Variants in CTNNA3 observed in about 807,000 individuals in gnomAD.
CTNNA3 encodes the protein catenin alpha-3.
CTNNA3 carries 76 observed loss-of-function variants against 95.7 expected under a neutral mutation model. The observed-to-expected ratio is 0.79, with a 90% CI of 0.66 to 0.96. CTNNA3 has a LOEUF of 0.96. CTNNA3 is among the 40% of genes least tolerant of loss of function. The pLI is 0.00. For missense variants in CTNNA3, 1,191 were observed against 1,089.8 expected, an observed-to-expected ratio of 1.09 and a Z score of -1.31; for synonymous variants, 431 against 374.4, an observed-to-expected ratio of 1.15 and a Z score of -1.74.
At chr10:67,169,689 C>A (rs902692504) in intron 7 of CTNNA3, among the ~76,000 whole-genome samples, 1 of 151,976 alleles carries the variant, frequency 6.6e-6, no homozygotes, top group African/African-American at 2.4e-5. Flanking sequence ...GGAAGAAAAC[C>A]TAGGAAATAC....
At chr10:67,701,057 G>C (rs1015965429), upstream of CTNNA3, among the ~76,000 whole-genome samples, 2 of 152,182 alleles carry the variant, frequency 1.3e-5, no homozygotes, top group Non-Finnish European at 1.5e-5. Context: ...GAAATGAAGG[G>C]AGAAGGGAAG....
chr10:66,002,427 C>A (rs2078788717), intron 15 of CTNNA3, among the ~76,000 whole-genome samples: 1 of 152,100 alleles, frequency 6.6e-6, no homozygotes, highest in Middle Eastern at 3.2e-3. Flanking sequence ...AGGAATTGCT[C>A]CATGAAAGAG....
intron 13 of CTNNA3, among the ~76,000 whole-genome samples, chr10:66,175,882 A>C (rs1218006914): frequency 6.6e-6 from 1 of 152,182 alleles, no homozygotes; most frequent in Non-Finnish European, 1.5e-5. Context: ...CCCAATGAAA[A>C]ACATGCTTAC....
intron 10 of CTNNA3, among the ~76,000 whole-genome samples, chr10:66,568,046 T>G (rs1842765439): frequency 6.6e-6 from 1 of 152,204 alleles, no homozygotes; most frequent in South Asian, 2.1e-4. Flanking sequence ...TACTTTCATT[T>G]GCTTCTCTCA....
chr10:67,008,462 G>GTTTGT (rs1554896632), intron 7 of CTNNA3, among the ~76,000 whole-genome samples: 6 of 151,808 alleles, frequency 4.0e-5, no homozygotes, highest in African/African-American at 1.5e-4. Context: ...CAGCTTTTTT[G>GTTTGT]TTTGTTTTGT....
Position 66,539,079 on chromosome 10 carries a change from C to T in CTNNA3, c.1375-18306G>A, listed in dbSNP as rs528015215. On this transcript the variant is annotated intron_variant, in intron 10 of 17. Transcript: ENST00000433211. ...TATTACTCATAGAGTTGTTTAAAACCTTGTTGTTCAAAGTGTCATCTGCTG... is the reference window on the plus strand; with the variant it reads ...TATTACTCATAGAGTTGTTTAAAACTTTGTTGTTCAAAGTGTCATCTGCTG... Among the ~76,000 whole-genome samples the T allele has an allele frequency of 1.2e-3, 189 of 152,194 alleles. 1 individual carries two copies. Among genetic ancestry groups the T allele is most frequent in the African/African-American group, 4.3e-3 (178 of 41,516 alleles).
At chr10:66,811,523 G>A (rs1405707238) in intron 7 of CTNNA3, among the ~76,000 whole-genome samples, 1 of 152,164 alleles carries the variant, frequency 6.6e-6, no homozygotes, top group African/African-American at 2.4e-5. Context: ...TCGAAATGGA[G>A]TAAAGGTAGT....
intron 9 of CTNNA3, among the ~76,000 whole-genome samples, chr10:66,644,288 GTCTGTC>G (rs1400850170): frequency 9.8e-4 from 77 of 78,400 alleles, no homozygotes; most frequent in African/African-American, 1.6e-3. Context: ...CTGTCTGTCT[GTCTGTC>G]TCTCTCTCTC....
At chr10:66,605,023 G>C (rs908099370) in intron 10 of CTNNA3, among the ~76,000 whole-genome samples, 2 of 152,106 alleles carry the variant, frequency 1.3e-5, no homozygotes, top group Non-Finnish European at 2.9e-5. Flanking sequence ...TAAGATGCAG[G>C]AGTACATTGA....
At chr10:67,111,941 A>C (rs886504618) in intron 7 of CTNNA3, among the ~76,000 whole-genome samples, 3 of 152,126 alleles carry the variant, frequency 2.0e-5, no homozygotes, top group African/African-American at 7.2e-5. Flanking sequence ...AAAAGTACCA[A>C]TTAGTAACAA....
intron 15 of CTNNA3, among the ~76,000 whole-genome samples, chr10:65,999,344 T>C (rs759475589): frequency 6.6e-6 from 1 of 152,186 alleles, no homozygotes; most frequent in Non-Finnish European, 1.5e-5. Flanking sequence ...TTTTAAATGA[T>C]AGACAGTGTT....
chr10:66,526,466 C>A (rs985068924), intron 10 of CTNNA3, among the ~76,000 whole-genome samples: 5 of 152,124 alleles, frequency 3.3e-5, no homozygotes, highest in Admixed American at 1.3e-4. Flanking sequence ...GGATTCCAGG[C>A]GTGAGCCACT....
rs187347280 is a variant in CTNNA3 at position 67,642,834 on chromosome 10, A to G, written c.99+4581T>C. On this transcript the variant is annotated intron_variant, in intron 2 of 17. Transcript: ENST00000433211. ...AGTCAAAAAACAACAGATGCTGACA[A>G]GGTTGCAGAGAAAAAGGAATGCTTT... 1.5e-3 allele frequency among the ~76,000 whole-genome samples: 235 copies of G among 152,322 alleles called. 1 individual carries two copies. Among genetic ancestry groups the G allele is most frequent in the African/African-American group, 5.4e-3 (225 of 41,570 alleles).
At chr10:66,682,726 G>A (rs936821715) in intron 9 of CTNNA3, among the ~76,000 whole-genome samples, 10 of 150,368 alleles carry the variant, frequency 6.7e-5, no homozygotes, top group African/African-American at 2.5e-4. Context: ...TTTGTTATAT[G>A]GGTATATTTC....
chr10:67,252,461 G>C (rs561755847), intron 5 of CTNNA3, among the ~76,000 whole-genome samples: 1 of 152,266 alleles, frequency 6.6e-6, no homozygotes, highest in Admixed American at 6.5e-5. Flanking sequence ...ATTAGGCACA[G>C]TAGAAATCAG....
intron 13 of CTNNA3, among the ~76,000 whole-genome samples, chr10:66,129,255 ACT>A (rs1406566206): frequency 6.6e-6 from 1 of 152,060 alleles, no homozygotes; most frequent in African/African-American, 2.4e-5. Context: ...TAAGAGTGAA[ACT>A]CTGTCTCAAA....
intron 11 of CTNNA3, among the ~76,000 whole-genome samples, chr10:66,382,160 G>A (rs1052704879): frequency 7.2e-5 from 11 of 152,062 alleles, no homozygotes; most frequent in African/African-American, 1.4e-4. Context: ...AGGGGTCAGC[G>A]GATTTCCCTT....
At chr10:66,478,450 G>C (rs1263989979) in intron 11 of CTNNA3, among the ~76,000 whole-genome samples, 2 of 151,540 alleles carry the variant, frequency 1.3e-5, no homozygotes, top group Non-Finnish European at 2.9e-5. Flanking sequence ...ATACATAATT[G>C]GTATTTTTAA....
chr10:67,212,039 T>C (rs1864161564), intron 6 of CTNNA3, among the ~76,000 whole-genome samples: 1 of 152,176 alleles, frequency 6.6e-6, no homozygotes, highest in South Asian at 2.1e-4. Flanking sequence ...AGACATTAAT[T>C]ACACAGAAAA....
Sources: allele counts gnomAD v4.1 joint callset (sites outside exome capture counted in the v4.1 genomes callset), GRCh38; gene constraint gnomAD v4.1.1; transcripts MANE v1.5; gene names NCBI Gene and HGNC (gene_info 2026-07-23, HGNC 2026-07-21).